FAM153A: variants seen among roughly 807,000 people sequenced by gnomAD.
The protein encoded by FAM153A is family with sequence similarity 153 member A.
Under a neutral mutation model 48.1 loss-of-function variants are expected in FAM153A, and 12 were observed. That is an observed-to-expected ratio of 0.25 (90% CI 0.16 to 0.40). The LOEUF is 0.40. Ranked by LOEUF, FAM153A falls within the 10% of genes least tolerant of loss-of-function variation. The pLI, the probability that FAM153A is intolerant of heterozygous loss-of-function variation, is 1.00. For missense variants in FAM153A, 111 were observed against 345.8 expected (o/e 0.32, Z 5.38); for synonymous variants, 36 against 118.2 (o/e 0.30, Z 4.51).
chr5:177,712,732 C>T (rs1374974904), exon 27 of FAM153A: 1 of 151,570 alleles, frequency 6.6e-6, no homozygotes, highest in Non-Finnish European at 1.5e-5. Flanking sequence ...ATAACACTAC[C>T]CCCTCTCCAG....
chr5:177,761,212 CAA>C (rs1299014577), intron 1 of FAM153A, among the ~76,000 whole-genome samples: 1 of 151,472 alleles, frequency 6.6e-6, no homozygotes, highest in Non-Finnish European at 1.5e-5. Context: ...CGCTCCTGCT[CAA>C]ACGAGATTTC....
downstream of FAM153A, among the ~76,000 whole-genome samples, chr5:177,704,615 C>T (rs1245501636): frequency 1.3e-5 from 2 of 151,464 alleles, no homozygotes; most frequent in African/African-American, 4.9e-5. Flanking sequence ...GTGATTGGAT[C>T]ATGGAGGCAG....
At chr5:177,713,473 G>A (rs1758896454) in intron 26 of FAM153A, among the ~76,000 whole-genome samples, 2 of 151,368 alleles carry the variant, frequency 1.3e-5, no homozygotes, top group South Asian at 4.2e-4. Context: ...TAGCCAGGAC[G>A]GTCTCGATCT....
exon 27 of FAM153A, chr5:177,712,819 TAAAC>T (rs1233334053): frequency 6.6e-6 from 1 of 151,304 alleles, no homozygotes; most frequent in Non-Finnish European, 1.5e-5. Context: ...GAATGTATGT[TAAAC>T]AAAGGCTGAA....
intron 1 of FAM153A, among the ~76,000 whole-genome samples, chr5:177,758,684 T>C (rs1044048401): frequency 8.0e-5 from 12 of 150,748 alleles, no homozygotes; most frequent in Admixed American, 7.9e-4. Context: ...TATCTACAAC[T>C]ATCTGATCTT....
downstream of FAM153A, among the ~76,000 whole-genome samples, chr5:177,708,927 T>C (rs1427405295): frequency 1.3e-5 from 2 of 150,712 alleles, no homozygotes; most frequent in South Asian, 2.1e-4. Context: ...ACCCCGTCTC[T>C]ACTAAAAACA....
At chr5:177,712,628 G>A (rs1758666700) in exon 27 of FAM153A, 1 of 151,574 alleles carries the variant, frequency 6.6e-6, no homozygotes, top group Non-Finnish European at 1.5e-5. Context: ...GTACATCACT[G>A]GGAAGAATGG....
chr5:177,734,660 A>C, intron 13 of FAM153A, among the ~76,000 whole-genome samples: 7 of 146,070 alleles, frequency 4.8e-5, no homozygotes, highest in Admixed American at 1.3e-4. Context: ...GCTCACTGTT[A>C]CACAACAGGT....
At chr5:177,696,419 C>T in the FAM153A span, among the ~76,000 whole-genome samples, 12,507 of 151,208 alleles carry the variant, frequency 0.083, 634 homozygotes, top group African/African-American at 0.087. Context: ...ACGGGGCAGC[C>T]GGGCAGAGGT....
downstream of FAM153A, among the ~76,000 whole-genome samples, chr5:177,709,624 G>A (rs544370597): frequency 5.5e-5 from 8 of 145,034 alleles, no homozygotes; most frequent in African/African-American, 2.0e-4. Context: ...GCCTCCCAAA[G>A]TGCTGGGATT....
upstream of FAM153A, among the ~76,000 whole-genome samples, chr5:177,756,097 C>T (rs1483346449): frequency 1.3e-5 from 2 of 150,046 alleles, no homozygotes; most frequent in African/African-American, 5.0e-5. Flanking sequence ...ACCCATCTCA[C>T]GTGCAGAGAC....
In FAM153A at chr5:177,729,496, C is replaced by A. The variant is rs370611259; in HGVS notation, c.922G>T (p.Gly308Trp). ...GAAGACGACTTTACCATGTGAACCC[C>A]TGTGGCTTCCTCAGAGACTGTCTGC... Residue 308 changes from glycine to tryptophan, a missense_variant, in exon 17 of 21, where the codon GGG (glycine) becomes TGG (tryptophan). This residue lies in a region of FAM153A where 35 missense variants were observed against 136.8 expected (regional missense o/e 0.26). Coordinates refer to ENST00000614127, the Ensembl canonical transcript of FAM153A. 1.1e-4 allele frequency: 174 copies of A among 1,607,488 alleles called. 1 individual carries two copies. The highest frequency in any genetic ancestry group is 1.4e-4 in the Non-Finnish European group (161 of 1,179,146).
chr5:177,699,232 G>C, the FAM153A span, among the ~76,000 whole-genome samples: 1 of 151,406 alleles, frequency 6.6e-6, no homozygotes, highest in Admixed American at 6.6e-5. Context: ...TGCCTATATT[G>C]AAAAGAAGAA....
intron 18 of FAM153A, among the ~76,000 whole-genome samples, chr5:177,728,291 C>T (rs563540023): frequency 3.7e-4 from 52 of 142,080 alleles, no homozygotes; most frequent in Admixed American, 5.0e-4. Context: ...CTGTGGTGGA[C>T]GATGAATGGG....
At chr5:177,715,117 C>T (rs1472364557) in intron 25 of FAM153A, among the ~76,000 whole-genome samples, 6 of 147,984 alleles carry the variant, frequency 4.1e-5, no homozygotes, top group African/African-American at 9.9e-5. Context: ...TTGATAGAGA[C>T]GACCTTCAAA....
upstream of FAM153A, among the ~76,000 whole-genome samples, chr5:177,755,223 G>C (rs1269928613): frequency 6.6e-6 from 1 of 151,916 alleles, no homozygotes. Flanking sequence ...TCAACTAGAA[G>C]AAAGGGTATC....
rs201246308 is a variant in FAM153A, at chr5:177,770,000, C to T, written c.-57+10449G>A. Among the ~76,000 whole-genome samples, 850 of 95,114 alleles carry T rather than the reference C, an allele frequency of 8.9e-3. 18 individuals carry two copies. The highest frequency in any genetic ancestry group is 0.029 in the African/African-American group (657 of 22,628). 62.4% of individuals were successfully genotyped at this position (95,114 alleles called of 152,430 possible). ...GTAGGAGAAAAAAATTCTTTTTCAC[C>T]TCACACAAAGCAAAACTGCCGTCCC... On this transcript the variant is annotated intron_variant, in intron 1 of 8. Coordinates refer to the FAM153A transcript ENST00000393518.
chr5:177,761,183 G>C (rs1768279671), intron 1 of FAM153A, among the ~76,000 whole-genome samples: 2 of 151,248 alleles, frequency 1.3e-5, no homozygotes, highest in South Asian at 4.2e-4. Context: ...AGCTGCAGCA[G>C]CTTGGCCAAG....
chr5:177,760,910 C>A (rs886842460), intron 1 of FAM153A, among the ~76,000 whole-genome samples: 4 of 146,788 alleles, frequency 2.7e-5, no homozygotes, highest in Non-Finnish European at 3.0e-5. Context: ...AAAACTAATA[C>A]CCCCAAATGC....
Sources: allele counts gnomAD v4.1 joint callset (sites outside exome capture counted in the v4.1 genomes callset), GRCh38; gene constraint gnomAD v4.1.1; regional missense constraint gnomAD v4.1.1; transcripts MANE v1.5; gene names NCBI Gene and HGNC (gene_info 2026-07-23, HGNC 2026-07-21).